The following C1orf21 variants were observed in gnomAD, a reference collection of about 807,000 sequenced individuals.
The protein encoded by C1orf21 is chromosome 1 open reading frame 21.
A neutral mutation model predicts 18.7 loss-of-function variants in C1orf21; 3 were observed. That is an observed-to-expected ratio of 0.16 (90% confidence interval 0.07 to 0.42). C1orf21 has a LOEUF of 0.42. Among genes scored for constraint, C1orf21 ranks in the 10% least tolerant of loss-of-function variants. The pLI is 0.99. For missense variants in C1orf21, 104 were observed against 143.6 expected, an observed-to-expected ratio of 0.72 and a Z score of 1.41; for synonymous variants, 41 against 46.4, an observed-to-expected ratio of 0.88 and a Z score of 0.47.
At chr1:184,588,710 C>A (rs878906514) in intron 3 of C1orf21, among the ~76,000 whole-genome samples, 1 of 151,730 alleles carries the variant, frequency 6.6e-6, no homozygotes, top group Non-Finnish European at 1.5e-5. Flanking sequence ...TAGAATAATG[C>A]CTGACTTACA....
At chr1:184,525,874 C>G (rs1249088022) in intron 3 of C1orf21, among the ~76,000 whole-genome samples, 1 of 152,132 alleles carries the variant, frequency 6.6e-6, no homozygotes, top group Non-Finnish European at 1.5e-5. Context: ...ACCTAATTTC[C>G]ATCTCTGTGG....
chr1:184,425,098 T>C (rs930842841), intron 1 of C1orf21, among the ~76,000 whole-genome samples: 1 of 152,260 alleles, frequency 6.6e-6, no homozygotes, highest in East Asian at 1.9e-4. Context: ...GAATGGGGCC[T>C]GAATGTTTGG....
chr1:184,514,118 G>A (rs573841375), intron 3 of C1orf21, among the ~76,000 whole-genome samples: 4 of 152,256 alleles, frequency 2.6e-5, no homozygotes, highest in South Asian at 2.1e-4. Context: ...GCAACATAGC[G>A]AGACTCTGTC....
At position 184,619,777 on chromosome 1, in the gene C1orf21, G is replaced by A. The variant is rs901222425; in HGVS notation, c.*221G>A. The A allele has an allele frequency of 4.3e-5, 19 of 442,290 alleles. No homozygotes were observed. Among genetic ancestry groups the A allele is most frequent in the Non-Finnish European group, 7.4e-5 (19 of 255,324 alleles). 27.4% of individuals were successfully genotyped at this position (442,290 alleles called of 1,614,324 possible). A position where few individuals can be genotyped will look rare whatever the true frequency, so the allele number is the denominator to read the frequency against. ...AAACTGTTATCGAACTTTCTTTGTT[G>A]CTGCTAGTTAAAACTTGTTGCAACT... On this transcript the variant is annotated 3_prime_UTR_variant, in exon 6 of 6. Transcript: ENST00000235307.
At position 184,621,497 on chromosome 1, in the gene C1orf21, C is replaced by A. The variant is rs1268816345; in HGVS notation, c.*1941C>A. 6.6e-6 allele frequency: 1 copy of A among 152,634 alleles called. No homozygotes were observed. Among genetic ancestry groups the A allele is most frequent in the African/African-American group, 2.4e-5 (1 of 41,456 alleles). The allele number at this position is 152,634 out of a possible 1,614,324, so 9.5% of individuals were successfully genotyped here. On this transcript the variant is annotated 3_prime_UTR_variant, in exon 6 of 6. Transcript: ENST00000235307. ...CCACAACTGTAAACAAACTGCTAAG[C>A]CCCACCTCAAACTTGTTCACTGGGG...
chr1:184,576,066 A>G (rs1468443306), intron 3 of C1orf21, among the ~76,000 whole-genome samples: 2 of 152,150 alleles, frequency 1.3e-5, no homozygotes, highest in Admixed American at 6.5e-5. Context: ...CATTCCTGTT[A>G]GGTAAACCAA....
In C1orf21 at chr1:184,554,572, C is replaced by T. The variant is rs539002766; in HGVS notation, c.190-36167C>T. Reference sequence around the variant, plus strand: ...TTGTATAGCCAAACAATAAAATTGACGTAGTTTAGTGCCTTTAAAAAAATA... The same window carrying T: ...TTGTATAGCCAAACAATAAAATTGATGTAGTTTAGTGCCTTTAAAAAAATA... On this transcript the variant is annotated intron_variant, in intron 3 of 5. Coordinates refer to ENST00000235307, the MANE Select transcript of C1orf21 (RefSeq NM_030806.4). Among the ~76,000 whole-genome samples, 17 of 152,228 alleles carry T rather than the reference C, an allele frequency of 1.1e-4. No individual in the cohort carries two copies. In the East Asian group the frequency reaches 2.9e-3, roughly 26 times the overall value.
rs1368765480 is a variant in C1orf21, at chr1:184,627,491, G to A, written c.*7935G>A. 1 of 152,146 alleles carries A rather than the reference G, an allele frequency of 6.6e-6. No homozygotes were observed. The highest frequency in any genetic ancestry group is 1.5e-5 in the Non-Finnish European group (1 of 68,052). 9.4% of individuals were successfully genotyped at this position (152,146 alleles called of 1,614,324 possible). On this transcript the variant is annotated 3_prime_UTR_variant, in exon 6 of 6. Transcript: ENST00000235307. Reference sequence around the variant, plus strand: ...AATTTTCCTAGCTAAGGGGCACTGGGCCTTGCTGCACCTTGGGGCTGACCT... The same window carrying A: ...AATTTTCCTAGCTAAGGGGCACTGGACCTTGCTGCACCTTGGGGCTGACCT...
At chr1:184,444,857 C>G (rs554982888) in intron 1 of C1orf21, among the ~76,000 whole-genome samples, 59 of 152,232 alleles carry the variant, frequency 3.9e-4, no homozygotes, top group African/African-American at 1.3e-3. Context: ...GGTACATGGT[C>G]TTCTATCTAG....
At chr1:184,552,581 A>G (rs1377200339) in intron 3 of C1orf21, among the ~76,000 whole-genome samples, 1 of 152,226 alleles carries the variant, frequency 6.6e-6, no homozygotes, top group African/African-American at 2.4e-5. Context: ...AAAGAGATGT[A>G]CAAAGATGGT....
At chr1:184,469,701 A>C (rs188098914) in intron 1 of C1orf21, among the ~76,000 whole-genome samples, 1 of 152,322 alleles carries the variant, frequency 6.6e-6, no homozygotes, top group East Asian at 1.9e-4. Context: ...TACGGAGGGT[A>C]TGCTAAGAGT....
At position 184,627,934 on chromosome 1, in the gene C1orf21, G is replaced by A. The variant is rs957422288; in HGVS notation, c.*8378G>A. On this transcript the variant is annotated 3_prime_UTR_variant, in exon 6 of 6. Coordinates refer to ENST00000235307, the MANE Select transcript of C1orf21 (RefSeq NM_030806.4). ...CACCTCCACCTCATTGCCAGGAAGG[G>A]ATCAAAATGCCTCCATGCCAGTTGT... 1 of 152,218 alleles carries A rather than the reference G, an allele frequency of 6.6e-6. No individual in the cohort carries two copies. The highest frequency in any genetic ancestry group is 1.5e-5 in the Non-Finnish European group (1 of 68,044). The allele number at this position is 152,218 out of a possible 1,614,324, so 9.4% of individuals were successfully genotyped here.
At chr1:184,421,348 C>G (rs1463612425) in intron 1 of C1orf21, among the ~76,000 whole-genome samples, 1 of 152,162 alleles carries the variant, frequency 6.6e-6, no homozygotes, top group Non-Finnish European at 1.5e-5. Context: ...TCAAGCAGTC[C>G]TCTTACTTGG....
chr1:184,489,579 T>G (rs138927535), intron 2 of C1orf21, among the ~76,000 whole-genome samples: 1 of 152,240 alleles, frequency 6.6e-6, no homozygotes, highest in Admixed American at 6.5e-5. Context: ...GAATTTATCT[T>G]AGGAACGTAA....
chr1:184,559,931 T>C (rs982602622), intron 3 of C1orf21, among the ~76,000 whole-genome samples: 1 of 152,116 alleles, frequency 6.6e-6, no homozygotes, highest in Non-Finnish European at 1.5e-5. Context: ...TTTGTATTTT[T>C]TGTAGACACA....
intron 1 of C1orf21, among the ~76,000 whole-genome samples, chr1:184,467,356 T>A (rs1657413814): frequency 1.3e-5 from 2 of 152,214 alleles, no homozygotes; most frequent in Non-Finnish European, 1.5e-5. Flanking sequence ...AGTTGGAAGA[T>A]GTGAGCTACA....
At chr1:184,402,824 G>A (rs112177194) in intron 1 of C1orf21, among the ~76,000 whole-genome samples, 5 of 152,254 alleles carry the variant, frequency 3.3e-5, no homozygotes, top group East Asian at 1.9e-4. Flanking sequence ...ACGCCATTTC[G>A]CGTCTACCAG....
At chr1:184,539,813 T>C (rs1483608802) in intron 3 of C1orf21, among the ~76,000 whole-genome samples, 1 of 152,228 alleles carries the variant, frequency 6.6e-6, no homozygotes, top group African/African-American at 2.4e-5. Context: ...GGAGGGGATA[T>C]GTGTCACCTT....
chr1:184,422,887 T>C (rs771278516), intron 1 of C1orf21, among the ~76,000 whole-genome samples: 39 of 152,234 alleles, frequency 2.6e-4, no homozygotes, highest in Non-Finnish European at 4.7e-4. Context: ...ACTGAACGAA[T>C]AAAATGTTTT....
Sources: allele counts gnomAD v4.1 joint callset (sites outside exome capture counted in the v4.1 genomes callset), GRCh38; gene constraint gnomAD v4.1.1; transcripts MANE v1.5; gene names NCBI Gene and HGNC (gene_info 2026-07-23, HGNC 2026-07-21).